SHCBP1L: variants seen among roughly 807,000 people sequenced by gnomAD.
SHCBP1L encodes testicular spindle-associated protein SHCBP1L.
In SHCBP1L, 67 loss-of-function variants were observed where a neutral mutation model predicts 62.5. The observed-to-expected ratio is 1.07, with a 90% CI of 0.88 to 1.31. SHCBP1L has a LOEUF of 1.31. Among genes scored for constraint, SHCBP1L ranks in the 40% most tolerant of loss-of-function variants. SHCBP1L has a pLI of 0.00. For missense variants in SHCBP1L, 823 were observed against 809.8 expected (o/e 1.02, Z -0.20); for synonymous variants, 284 against 289.4 (o/e 0.98, Z 0.19).
At chr1:182,904,140 TATAGTC>T (rs1390011102) in intron 8 of SHCBP1L, 34 bp downstream of exon 8, 1 of 1,601,008 alleles carries the variant, frequency 6.2e-7, no homozygotes, top group East Asian at 2.2e-5. Flanking sequence ...AGCTGTCATC[TATAGTC>T]ATATAAGGCC....
intron 6 of SHCBP1L, among the ~76,000 whole-genome samples, chr1:182,926,034 T>C (rs930850810): frequency 6.6e-6 from 1 of 152,098 alleles, no homozygotes; most frequent in Non-Finnish European, 1.5e-5. Context: ...GATTGTTGGT[T>C]GTCAGGAGGT....
At chr1:182,933,488 C>T (rs1464260476) in intron 5 of SHCBP1L, among the ~76,000 whole-genome samples, 2 of 152,078 alleles carry the variant, frequency 1.3e-5, no homozygotes, top group Non-Finnish European at 2.9e-5. Context: ...CATAGATAGC[C>T]TTAAACAGGT....
At chr1:182,952,508 G>A (rs1651810906) in intron 1 of SHCBP1L, 2 of 509,914 alleles carry the variant, frequency 3.9e-6, no homozygotes, top group South Asian at 7.9e-5. Context: ...GTTACCTGAC[G>A]AATTTTGTCG....
At chr1:182,920,082 G>A (rs192167539) in intron 6 of SHCBP1L, among the ~76,000 whole-genome samples, 1 of 152,168 alleles carries the variant, frequency 6.6e-6, no homozygotes, top group African/African-American at 2.4e-5. Flanking sequence ...TGCACACCCT[G>A]CTGCACCGCT....
chr1:182,941,061 G>C (rs1002916402), intron 2 of SHCBP1L, among the ~76,000 whole-genome samples: 1 of 151,914 alleles, frequency 6.6e-6, no homozygotes. Context: ...ATAAAAGCAT[G>C]TTAAATATAA....
chr1:182,907,555 T>C (rs1352199814), intron 6 of SHCBP1L, among the ~76,000 whole-genome samples: 2 of 150,672 alleles, frequency 1.3e-5, no homozygotes, highest in African/African-American at 2.4e-5. Flanking sequence ...CATATATCTT[T>C]CTTATTCTTA....
intron 2 of SHCBP1L, among the ~76,000 whole-genome samples, chr1:182,948,051 T>G (rs1651618980): frequency 6.6e-6 from 1 of 152,240 alleles, no homozygotes; most frequent in Non-Finnish European, 1.5e-5. Context: ...ATCATATTTA[T>G]GACATACAAA....
Position 182,899,925 on chromosome 1 carries a change from A to G in SHCBP1L, c.*58T>C. On this transcript the variant is annotated 3_prime_UTR_variant, in exon 10 of 10. Transcript: ENST00000367547. ...GAAACTACCATTTCAGTGGGGTATG[A>G]GAATCATGTATTAAACAAATTTGTG... 1 of 1,420,708 alleles carries G rather than the reference A, an allele frequency of 7.0e-7. No individual in the cohort carries two copies. Among genetic ancestry groups the G allele is most frequent in the Non-Finnish European group, 9.4e-7 (1 of 1,063,742 alleles). 88.0% of individuals were successfully genotyped at this position (1,420,708 alleles called of 1,614,324 possible).
Position 182,940,320 on chromosome 1 carries a change from C to A in SHCBP1L, c.770+9G>T. ...TAAATTTAATTTTCAAAAGTAAAGGCCCTAATACCTGACAACTTCCAAGGC... is the reference window on the plus strand; with the variant it reads ...TAAATTTAATTTTCAAAAGTAAAGGACCTAATACCTGACAACTTCCAAGGC... On this transcript the variant is annotated intron_variant, in intron 3 of 9. Coordinates refer to ENST00000367547, the MANE Select transcript of SHCBP1L (RefSeq NM_030933.4). 1 of 1,610,030 alleles carries A rather than the reference C, an allele frequency of 6.2e-7. No homozygotes were observed. Among genetic ancestry groups the A allele is most frequent in the African/African-American group, 1.3e-5 (1 of 74,880 alleles).
At chr1:182,906,675 A>G (rs188562366) in intron 6 of SHCBP1L, among the ~76,000 whole-genome samples, 1 of 151,362 alleles carries the variant, frequency 6.6e-6, no homozygotes, top group East Asian at 2.0e-4. Flanking sequence ...CAGGTGGTCC[A>G]CCTGCCTCGG....
chr1:182,939,494 G>C lies in SHCBP1L; in HGVS notation c.830C>G (p.Thr277Ser). The C allele has an allele frequency of 6.2e-7, 1 of 1,608,824 alleles. No individual in the cohort carries two copies. The highest frequency in any genetic ancestry group is 1.1e-5 in the South Asian group (1 of 89,834). Residue 277 changes from threonine to serine, a missense_variant, in exon 4 of 10, where the codon ACT becomes AGT. By Grantham distance (58) the Thr-to-Ser change is moderately conservative (BLOSUM62 1). Transcript: ENST00000367547. ...WDDEESCENY[T>S]ALIEERINLW... ...ATTAATTCTTTCTTCAATAAGTGCAGTATAATTCTCACAACTTTCTTCATC... is the reference window on the plus strand; with the variant it reads ...ATTAATTCTTTCTTCAATAAGTGCACTATAATTCTCACAACTTTCTTCATC...
intron 5 of SHCBP1L, among the ~76,000 whole-genome samples, chr1:182,934,567 T>C (rs1651107678): frequency 6.6e-6 from 1 of 152,182 alleles, no homozygotes; most frequent in South Asian, 2.1e-4. Context: ...GAGCTCTTTG[T>C]ATATTTTAGA....
At chr1:182,939,943 A>T (rs1184697183) in intron 3 of SHCBP1L, among the ~76,000 whole-genome samples, 1 of 152,168 alleles carries the variant, frequency 6.6e-6, no homozygotes, top group East Asian at 1.9e-4. Flanking sequence ...ATCAACTTAT[A>T]AGAAGCAATC....
rs1557988583 is a variant in SHCBP1L at position 182,904,306 on chromosome 1, A to G, written c.1461T>C (p.Gly487=). Residue 487 remains glycine (G), a synonymous_variant, in exon 8 of 10, where the codon GGT becomes GGC. Transcript: ENST00000367547. ...LSLIQQGTVD[G]IVVVESGHMT... is the part of the protein sequence containing the mutation. ...TGTGACCAGACTCCACCACCACGATACCATCAACCGTCCCTTGTTGTATCA... is the reference window on the plus strand; with the variant it reads ...TGTGACCAGACTCCACCACCACGATGCCATCAACCGTCCCTTGTTGTATCA... 4.3e-6 allele frequency: 7 copies of G among 1,614,014 alleles called. No homozygotes were observed. Among genetic ancestry groups the G allele is most frequent in the Middle Eastern group, 1.6e-4 (1 of 6,084 alleles).
At chr1:182,938,055 G>A (rs923999400) in intron 5 of SHCBP1L, among the ~76,000 whole-genome samples, 8 of 152,172 alleles carry the variant, frequency 5.3e-5, no homozygotes, top group African/African-American at 1.7e-4. Flanking sequence ...GGTGTCAGAA[G>A]CTTCAAATTC....
intron 2 of SHCBP1L, among the ~76,000 whole-genome samples, chr1:182,947,335 A>G (rs1571361019): frequency 6.6e-6 from 1 of 152,296 alleles, no homozygotes; most frequent in African/African-American, 2.4e-5. Flanking sequence ...CCAAGAAGCA[A>G]TGTTTTTCCA....
At chr1:182,902,791 A>G (rs1215959286) in intron 9 of SHCBP1L, among the ~76,000 whole-genome samples, 1 of 152,190 alleles carries the variant, frequency 6.6e-6, no homozygotes, top group Non-Finnish European at 1.5e-5. Flanking sequence ...AAATGTCTTT[A>G]AGAGAAAAAT....
At chr1:182,940,033 A>G (rs1173610019) in intron 3 of SHCBP1L, among the ~76,000 whole-genome samples, 1 of 152,176 alleles carries the variant, frequency 6.6e-6, no homozygotes, top group Admixed American at 6.5e-5. Flanking sequence ...AGATGCTTAA[A>G]TATGAATAGA....
At chr1:182,926,294 A>T (rs1650744318) in intron 6 of SHCBP1L, among the ~76,000 whole-genome samples, 1 of 152,234 alleles carries the variant, frequency 6.6e-6, no homozygotes, top group Non-Finnish European at 1.5e-5. Flanking sequence ...AGTAGTACAG[A>T]TGGAAGAAAA....
Sources: gnomAD v4.1 joint callset for allele counts (sites outside exome capture counted in the v4.1 genomes callset) on GRCh38, gnomAD v4.1.1 for gene constraint, MANE v1.5 for transcripts, NCBI Gene and HGNC (gene_info 2026-07-23, HGNC 2026-07-21) for gene names.